GRM4: variants seen among roughly 807,000 people sequenced by gnomAD.
The protein encoded by GRM4 is glutamate metabotropic receptor 4, also known as metabotropic glutamate receptor 4.
In GRM4, 28 loss-of-function variants were observed where a neutral mutation model predicts 81.7. The ratio of observed to expected loss-of-function variants is 0.34; its 90% CI spans 0.25 to 0.47. The LOEUF (loss-of-function observed/expected upper bound fraction) is 0.47. GRM4 is among the 20% of genes least tolerant of loss of function. GRM4 has a pLI of 1.00. For synonymous variants in GRM4, 488 were observed against 528.8 expected (o/e 0.92, Z 1.06); for missense variants, 948 against 1,290.0 (o/e 0.73, Z 4.06).
intron 3 of GRM4, among the ~76,000 whole-genome samples, chr6:34,072,387 GCA>G (rs748432311): frequency 1.3e-4 from 14 of 105,430 alleles, no homozygotes; most frequent in South Asian, 1.3e-3. Flanking sequence ...CAGATACACA[GCA>G]CACACACACA....
At chr6:34,110,436 C>T (rs1159061579) in intron 2 of GRM4, among the ~76,000 whole-genome samples, 3 of 152,120 alleles carry the variant, frequency 2.0e-5, no homozygotes, top group South Asian at 4.2e-4. Flanking sequence ...CTCCCCCACC[C>T]GACCTGGCCA....
Position 34,152,274 on chromosome 6 carries a change from G to T in GRM4, c.312+2805C>A, listed in dbSNP as rs918989711. ...CCACCGGCAGAGCCTGGAGGAGCCC[G>T]CATCCCACTCAGGCCACCTCCAAGC... On this transcript the variant is annotated intron_variant, in intron 1 of 8. Transcript: ENST00000374177. This position sits in a 1 kb window ranked among gnomAD's most constrained non-coding sequence, Gnocchi z 4.1. Among the ~76,000 whole-genome samples the T allele has an allele frequency of 3.3e-5, 5 of 152,176 alleles. No individual in the cohort carries two copies. Among genetic ancestry groups the T allele is most frequent in the Admixed American group, 3.3e-4 (5 of 15,282 alleles).
intron 6 of GRM4, chr6:34,054,803 G>C (rs1318380544): frequency 6.6e-6 from 1 of 152,050 alleles, no homozygotes; most frequent in African/African-American, 2.4e-5. Context: ...TCTGATCTAG[G>C]TCTGCTGATC....
chr6:34,059,465 A>G lies in GRM4; in HGVS notation c.873-337T>C. The G allele has an allele frequency of 8.4e-6, 3 of 357,022 alleles. No individual in the cohort carries two copies. The highest frequency in any genetic ancestry group is 1.1e-5 in the Non-Finnish European group (2 of 189,306). 22.1% of individuals were successfully genotyped at this position (357,022 alleles called of 1,614,324 possible). ...CCGCCCCACGTCTGACTCAGGCCCCACAACCACCTCTGCCCAGCCCCGGTC... is the reference window on the plus strand; with the variant it reads ...CCGCCCCACGTCTGACTCAGGCCCCGCAACCACCTCTGCCCAGCCCCGGTC... On this transcript the variant is annotated intron_variant, in intron 4 of 10. Transcript: ENST00000538487. This position sits in a 1 kb window ranked among gnomAD's most constrained non-coding sequence, Gnocchi z 5.7.
intron 9 of GRM4, among the ~76,000 whole-genome samples, chr6:34,030,482 T>C (rs1485665881): frequency 6.6e-6 from 1 of 152,200 alleles, no homozygotes; most frequent in African/African-American, 2.4e-5. Flanking sequence ...CACAGTTCTA[T>C]GTCGAGGGCC....
rs1360743927 is a variant in GRM4, at chr6:34,130,883, A to G, written c.519+2095T>C. Among the ~76,000 whole-genome samples, 1 of 143,082 alleles carries G rather than the reference A, an allele frequency of 7.0e-6. No homozygotes were observed. The highest frequency in any genetic ancestry group is 1.5e-5 in the Non-Finnish European group (1 of 66,186). The allele number at this position is 143,082 out of a possible 152,430, so 93.9% of individuals were successfully genotyped here. A position where few individuals can be genotyped will look rare whatever the true frequency, so the allele number is the denominator to read the frequency against. On this transcript the variant is annotated intron_variant, in intron 2 of 10. Coordinates refer to ENST00000538487, the MANE Select transcript of GRM4 (RefSeq NM_000841.4). This position sits in a 1 kb window ranked among gnomAD's most constrained non-coding sequence, Gnocchi z 4.1. ...AAAGGAGTTTAATTACAACTCAGAT[A>G]AAGAGAATACAGCAGCCTCCCTTGT...
At chr6:34,140,808 T>C (rs1250768894) in intron 1 of GRM4, among the ~76,000 whole-genome samples, 1 of 152,204 alleles carries the variant, frequency 6.6e-6, no homozygotes, top group East Asian at 1.9e-4. Flanking sequence ...TGCTTCTTCC[T>C]CTCTCCTCCC....
At chr6:34,100,904 A>G (rs754156212) in intron 2 of GRM4, among the ~76,000 whole-genome samples, 9 of 152,226 alleles carry the variant, frequency 5.9e-5, no homozygotes, top group Non-Finnish European at 1.3e-4. Flanking sequence ...CGGGTCCCTG[A>G]GTAGAGTGCC....
chr6:34,097,249 CA>C (rs1489182289), intron 2 of GRM4, among the ~76,000 whole-genome samples: 1 of 152,126 alleles, frequency 6.6e-6, no homozygotes, highest in Non-Finnish European at 1.5e-5. Context: ...ACCTCTTTTA[CA>C]GTCTGTGTGA....
chr6:34,117,660 G>A (rs1769650436), intron 2 of GRM4, among the ~76,000 whole-genome samples: 2 of 152,102 alleles, frequency 1.3e-5, no homozygotes, highest in South Asian at 4.1e-4. Flanking sequence ...TATCACCTGG[G>A]ACACCTGGCT....
chr6:34,067,730 GAAGC>G (rs1391720270), intron 3 of GRM4, among the ~76,000 whole-genome samples: 1 of 152,062 alleles, frequency 6.6e-6, no homozygotes, highest in African/African-American at 2.4e-5. Context: ...TCTAGCTGGG[GAAGC>G]AAGACCAGAA....
rs150587975 is a variant in GRM4 at position 34,044,031 on chromosome 6, TACACACAC to T, written c.1169-3291_1169-3284del. Reference sequence around the variant, plus strand: ...ACCAGGAGGATGCCCACCACACACATACACACACACACACATAGACATACATACATACA... The same window carrying T: ...ACCAGGAGGATGCCCACCACACACATACACACATAGACATACATACATACA... On this transcript the variant is annotated intron_variant, in intron 6 of 10. Transcript: ENST00000538487. Among the ~76,000 whole-genome samples the T allele has an allele frequency of 6.0e-4, 90 of 149,042 alleles. 1 individual carries two copies. The highest frequency in any genetic ancestry group is 3.6e-3 in the Middle Eastern group (1 of 278).
chr6:34,110,697 T>C, intron 2 of GRM4: 1 of 1,520,438 alleles, frequency 6.6e-7, no homozygotes, highest in Non-Finnish European at 8.8e-7. Flanking sequence ...TGTGTCTGCC[T>C]CAGCCTCCCC....
chr6:34,103,731 A>G, intron 2 of GRM4: 1 of 1,512,942 alleles, frequency 6.6e-7, no homozygotes, highest in Non-Finnish European at 8.8e-7. Context: ...CTCAAAGTCC[A>G]ACTCCCATAG....
In GRM4 at chr6:34,078,968, AC is replaced by A. The variant is rs1767453866; in HGVS notation, c.736+12914del. On this transcript the variant is annotated intron_variant, in intron 3 of 10. Coordinates refer to ENST00000538487, the MANE Select transcript of GRM4 (RefSeq NM_000841.4). This position sits in a 1 kb window ranked among gnomAD's most constrained non-coding sequence, Gnocchi z 4.8. Reference sequence around the variant, plus strand: ...GGGAGGCTGAGAGAGGCCCAGGCGCACCCCCAGGTCTGAGGCCTCAGAGGCA... The same window carrying A: ...GGGAGGCTGAGAGAGGCCCAGGCGCACCCCAGGTCTGAGGCCTCAGAGGCA... Among the ~76,000 whole-genome samples, 1 of 151,970 alleles carries A rather than the reference AC, an allele frequency of 6.6e-6. No individual in the cohort carries two copies. The highest frequency in any genetic ancestry group is 2.4e-5 in the African/African-American group (1 of 41,348).
rs753206509 is a variant in GRM4, at chr6:34,035,951, A to G, written c.2159T>C (p.Val720Ala). The part of the protein sequence containing the change: ...QLLGICVWFV[V>A]DPSHSVVDFQ... ...GTCCACCACCGAGTGGGAGGGGTCC[A>G]CCACAAACCACACACAGATGCCCAG... The change falls in exon 9 of 11, where the codon GTG (valine) becomes GCG (alanine). Residue 720 changes from valine to alanine, a missense_variant. Transcript: ENST00000538487. The surrounding 1 kb of genome is among the most constrained non-coding windows in gnomAD (Gnocchi z 6.6). 6.2e-7 allele frequency: 1 copy of G among 1,612,882 alleles called. No homozygotes were observed. The highest frequency in any genetic ancestry group is 8.5e-7 in the Non-Finnish European group (1 of 1,178,972).
intron 1 of GRM4, among the ~76,000 whole-genome samples, chr6:34,141,858 G>A (rs2127517006): frequency 6.6e-6 from 1 of 152,298 alleles, no homozygotes; most frequent in African/African-American, 2.4e-5. Context: ...CAGGGAGAAG[G>A]AATTAGTTGT....
At chr6:34,067,596 T>G (rs529926294) in intron 3 of GRM4, among the ~76,000 whole-genome samples, 53 of 112,592 alleles carry the variant, frequency 4.7e-4, no homozygotes, top group Non-Finnish European at 7.2e-4. Context: ...CTCCCTCCCT[T>G]TCTTCCTCCC....
At chr6:34,076,678 GC>G (rs11352804) in intron 3 of GRM4, among the ~76,000 whole-genome samples, 28,179 of 152,100 alleles carry the variant, frequency 0.19, 3,342 homozygotes, top group East Asian at 0.32. Flanking sequence ...AGCAGGAGAG[GC>G]CTTCTTGAGA....
Sources: allele counts gnomAD v4.1 joint callset (sites outside exome capture counted in the v4.1 genomes callset), GRCh38; gene constraint gnomAD v4.1.1; non-coding constraint Gnocchi (gnomAD v3.1); transcripts MANE v1.5; gene names NCBI Gene and HGNC (gene_info 2026-07-23, HGNC 2026-07-21).